The following PRNP variants were observed in gnomAD, a reference collection of about 807,000 sequenced individuals.
The protein encoded by PRNP is major prion protein.
A neutral mutation model predicts 21.3 loss-of-function variants in PRNP; 15 were observed. That is an observed-to-expected ratio of 0.71 (90% CI 0.47 to 1.09). PRNP has a LOEUF of 1.09. PRNP is among the 50% of genes least tolerant of loss of function. PRNP has a pLI of 0.00. For missense variants in PRNP, 285 were observed against 340.9 expected, an observed-to-expected ratio of 0.84 and a Z score of 1.29; for synonymous variants, 121 against 123.1, an observed-to-expected ratio of 0.98 and a Z score of 0.11.
rs1441037255 is a variant in PRNP at position 4,697,074 on chromosome 20, G to A, written c.-10-2137G>A. 6.6e-6 allele frequency among the ~76,000 whole-genome samples: 1 copy of A among 152,234 alleles called. No homozygotes were observed. On this transcript the variant is annotated intron_variant, in intron 1 of 1. Transcript: ENST00000379440. This position sits in a 1 kb window ranked among gnomAD's most constrained non-coding sequence, Gnocchi z 4.6. ...CAGGTAATATCTCCAGCCAGCCAGA[G>A]TCTACTGCAGTAGCTGGCACATGAA...
In PRNP at chr20:4,700,386, G is replaced by T; in HGVS notation, c.*404G>T. 2.9e-6 allele frequency: 1 copy of T among 346,986 alleles called. No homozygotes were observed. Among genetic ancestry groups the T allele is most frequent in the Non-Finnish European group, 5.9e-6 (1 of 170,212 alleles). 21.5% of individuals were successfully genotyped at this position (346,986 alleles called of 1,614,324 possible). ...TATACTAATGCCCTATCTTAGTAGA[G>T]ATTTCATAGCTATTTAGAGATATTT... On this transcript the variant is annotated 3_prime_UTR_variant, in exon 2 of 2. Coordinates refer to ENST00000379440, the MANE Select transcript of PRNP (RefSeq NM_000311.5). The surrounding 1 kb of genome is among the most constrained non-coding windows in gnomAD (Gnocchi z 4.1).
Position 4,699,863 on chromosome 20 carries a change from A to G in PRNP, c.643A>G (p.Ile215Val). The G allele has an allele frequency of 6.2e-7, 1 of 1,613,680 alleles. No individual in the cohort carries two copies. Among genetic ancestry groups the G allele is most frequent in the South Asian group, 1.1e-5 (1 of 91,052 alleles). The change falls in exon 2 of 2, where the codon ATC becomes GTC. Residue 215 changes from isoleucine to valine, a missense_variant. Coordinates refer to ENST00000379440, the MANE Select transcript of PRNP (RefSeq NM_000311.5). This position sits in a 1 kb window ranked among gnomAD's most constrained non-coding sequence, Gnocchi z 5.8. ...MMERVVEQMC[I>V]TQYERESQAY... ...GGAGCGCGTGGTTGAGCAGATGTGT[A>G]TCACCCAGTACGAGAGGGAATCTCA...
rs1922271638 is a variant in PRNP at position 4,697,950 on chromosome 20, G to A, written c.-10-1261G>A. On this transcript the variant is annotated intron_variant, in intron 1 of 1. Transcript: ENST00000379440. The surrounding 1 kb of genome is among the most constrained non-coding windows in gnomAD (Gnocchi z 4.6). ...TGGGAGAGAAAATTCAGTCACTCTA[G>A]AGCATTGGCTGGATTTGTCACCCAT... Among the ~76,000 whole-genome samples the A allele has an allele frequency of 6.6e-6, 1 of 152,186 alleles. No homozygotes were observed. Among genetic ancestry groups the A allele is most frequent in the African/African-American group, 2.4e-5 (1 of 41,432 alleles).
chr20:4,690,506 C>A (rs893305772), intron 1 of PRNP, among the ~76,000 whole-genome samples: 12 of 152,210 alleles, frequency 7.9e-5, no homozygotes, highest in African/African-American at 2.7e-4. Flanking sequence ...TTTTGCCATT[C>A]TGCTCATGCA....
chr20:4,696,456 G>A (rs540670773), intron 1 of PRNP, among the ~76,000 whole-genome samples: 1 of 152,152 alleles, frequency 6.6e-6, no homozygotes, highest in Non-Finnish European at 1.5e-5. Flanking sequence ...GTTGGTTTTC[G>A]TAGGCTGACC....
chr20:4,692,369 A>G (rs1183926340), intron 1 of PRNP, among the ~76,000 whole-genome samples: 1 of 152,188 alleles, frequency 6.6e-6, no homozygotes, highest in African/African-American at 2.4e-5. Flanking sequence ...TTGAAAAACT[A>G]CCACCCTGTT....
At chr20:4,691,444 A>C (rs569846783) in intron 1 of PRNP, among the ~76,000 whole-genome samples, 1 of 152,254 alleles carries the variant, frequency 6.6e-6, no homozygotes, top group South Asian at 2.1e-4. Context: ...ATGCTTCTAC[A>C]CCTAATTCAT....
chr20:4,691,031 CAGGAAA>C (rs758325630), intron 1 of PRNP, among the ~76,000 whole-genome samples: 40 of 152,150 alleles, frequency 2.6e-4, no homozygotes, highest in Non-Finnish European at 4.6e-4. Context: ...AGTGAACTAT[CAGGAAA>C]GAAATAAAAA....
chr20:4,696,828 T>A lies in PRNP; in HGVS notation c.-10-2383T>A, dbSNP rs537959991. On this transcript the variant is annotated intron_variant, in intron 1 of 1. Transcript: ENST00000379440. ...TAGGCCCCCAGACATGCCAGTGTCC[T>A]CTCTCACCACCCATCTCCACTCCAA... 8.5e-5 allele frequency among the ~76,000 whole-genome samples: 13 copies of A among 152,280 alleles called. 1 individual carries two copies. The South Asian group carries it at 2.7e-3, about 32-fold the overall frequency.
chr20:4,695,266 A>G (rs1370318108), intron 1 of PRNP, among the ~76,000 whole-genome samples: 1 of 151,646 alleles, frequency 6.6e-6, no homozygotes. Context: ...CCCATTAGTT[A>G]TTTTTCCTGA....
intron 1 of PRNP, among the ~76,000 whole-genome samples, chr20:4,692,339 C>G (rs150806871): frequency 1.6e-3 from 244 of 152,256 alleles, no homozygotes; most frequent in Middle Eastern, 3.4e-3. Flanking sequence ...TAGGGACTCA[C>G]TGAGTTTTGA....
In PRNP at chr20:4,700,459, G is replaced by A. The variant is rs940266727; in HGVS notation, c.*477G>A. On this transcript the variant is annotated 3_prime_UTR_variant, in exon 2 of 2. Coordinates refer to ENST00000379440, the MANE Select transcript of PRNP (RefSeq NM_000311.5). This position sits in a 1 kb window ranked among gnomAD's most constrained non-coding sequence, Gnocchi z 4.1. ...ACATTTCTGCCAGGTTTGTTAGGAG[G>A]CCACATGATACTTATTCAAAAAAAT... 1.5e-5 allele frequency: 5 copies of A among 332,262 alleles called. No individual in the cohort carries two copies. The highest frequency in any genetic ancestry group is 3.1e-5 in the Non-Finnish European group (5 of 162,732). The allele number at this position is 332,262 out of a possible 1,614,324, so 20.6% of individuals were successfully genotyped here.
intron 1 of PRNP, among the ~76,000 whole-genome samples, chr20:4,691,411 G>A (rs1358718564): frequency 6.6e-6 from 1 of 152,094 alleles, no homozygotes; most frequent in Non-Finnish European, 1.5e-5. Context: ...TGTCATATGT[G>A]GCCTTTATTG....
In PRNP at chr20:4,699,877, G is replaced by C. The variant is rs1422039397; in HGVS notation, c.657G>C (p.Glu219Asp). 1 of 1,613,644 alleles carries C rather than the reference G, an allele frequency of 6.2e-7. No individual in the cohort carries two copies. The highest frequency in any genetic ancestry group is 8.5e-7 in the Non-Finnish European group (1 of 1,179,968). The change falls in exon 2 of 2, where the codon GAG becomes GAC. Residue 219 changes from glutamate to aspartate, a missense_variant. Physicochemically the swap from Glu to Asp is conservative, Grantham distance 45 (BLOSUM62 2). Coordinates refer to ENST00000379440, the MANE Select transcript of PRNP (RefSeq NM_000311.5). The surrounding 1 kb of genome is among the most constrained non-coding windows in gnomAD (Gnocchi z 5.8). ...AGCAGATGTGTATCACCCAGTACGA[G>C]AGGGAATCTCAGGCCTATTACCAGA... ...VVEQMCITQYERESQAYYQRG... is the reference protein window; with the variant it reads ...VVEQMCITQYDRESQAYYQRG...
chr20:4,696,471 G>A (rs1254082234), intron 1 of PRNP, among the ~76,000 whole-genome samples: 1 of 152,194 alleles, frequency 6.6e-6, no homozygotes, highest in African/African-American at 2.4e-5. Context: ...CTGACCTTCA[G>A]TCCCACAACC....
intron 1 of PRNP, among the ~76,000 whole-genome samples, chr20:4,687,719 A>T (rs1459044416): frequency 1.3e-5 from 2 of 152,188 alleles, no homozygotes; most frequent in African/African-American, 4.8e-5. Context: ...TGCTGTAATG[A>T]TGAGGATCTT....
intron 1 of PRNP, among the ~76,000 whole-genome samples, chr20:4,692,982 T>A (rs900291172): frequency 2.0e-5 from 3 of 152,186 alleles, no homozygotes; most frequent in Non-Finnish European, 4.4e-5. Flanking sequence ...CCTATAACAA[T>A]TGCTTAAATT....
chr20:4,699,262 C>T lies in PRNP; in HGVS notation c.42C>T (p.Ala14=), dbSNP rs1922372775. 6.2e-7 allele frequency: 1 copy of T among 1,614,028 alleles called. No individual in the cohort carries two copies. The highest frequency in any genetic ancestry group is 8.5e-7 in the Non-Finnish European group (1 of 1,180,044). ...GCTGGATGCTGGTTCTCTTTGTGGC[C>T]ACATGGAGTGACCTGGGCCTCTGCA... ...LGCWMLVLFV[A]TWSDLGLCKK... is the part of the protein sequence containing the mutation. Residue 14 remains alanine (A), a synonymous_variant, in exon 2 of 2, where the codon GCC becomes GCT. Transcript: ENST00000379440. This position sits in a 1 kb window ranked among gnomAD's most constrained non-coding sequence, Gnocchi z 5.8.
Position 4,700,092 on chromosome 20 carries a change from G to A in PRNP, c.*110G>A. On this transcript the variant is annotated 3_prime_UTR_variant, in exon 2 of 2. Coordinates refer to ENST00000379440, the MANE Select transcript of PRNP (RefSeq NM_000311.5). The surrounding 1 kb of genome is among the most constrained non-coding windows in gnomAD (Gnocchi z 4.1). ...GTGTCTCACTCTTTCTTCTCTCTTT[G>A]TCCCGGATAGGCTAATCAATACCCT... The A allele has an allele frequency of 6.5e-7, 1 of 1,550,308 alleles. No homozygotes were observed. The highest frequency in any genetic ancestry group is 1.2e-5 in the South Asian group (1 of 83,262).
Sources: gnomAD v4.1 joint callset for allele counts (sites outside exome capture counted in the v4.1 genomes callset) on GRCh38, gnomAD v4.1.1 for gene constraint, Gnocchi (gnomAD v3.1) non-coding constraint, MANE v1.5 for transcripts, NCBI Gene and HGNC (gene_info 2026-07-23, HGNC 2026-07-21) for gene names.